The following SPHKAP variants were observed in gnomAD, a reference collection of about 807,000 sequenced individuals.
The protein encoded by SPHKAP is SPHK1 interactor, AKAP domain containing.
Under a neutral mutation model 137.5 loss-of-function variants are expected in SPHKAP, and 67 were observed. The ratio of observed to expected loss-of-function variants is 0.49; its 90% CI spans 0.40 to 0.60. SPHKAP has a LOEUF of 0.60. Among genes scored for constraint, SPHKAP ranks in the 20% least tolerant of loss-of-function variants. The probability of loss-of-function intolerance (pLI) is 0.00; values close to 1 mark genes in which losing one functional copy is unlikely to be tolerated. For synonymous variants in SPHKAP, 813 were observed against 785.3 expected (o/e 1.04, Z -0.59); for missense variants, 2,097 against 2,069.3 (o/e 1.01, Z -0.26).
intron 11 of SPHKAP, among the ~76,000 whole-genome samples, chr2:227,987,123 A>ATC (rs1267479630): frequency 4.6e-5 from 7 of 152,226 alleles, no homozygotes; most frequent in Admixed American, 3.3e-4. Flanking sequence ...GTTTATCAGA[A>ATC]TCACATCACT....
At chr2:228,042,476 C>G (rs1695889822) in intron 3 of SPHKAP, among the ~76,000 whole-genome samples, 1 of 152,092 alleles carries the variant, frequency 6.6e-6, no homozygotes, top group Admixed American at 6.6e-5. Context: ...CTAAAAGAAG[C>G]TATATCCATT....
intron 3 of SPHKAP, among the ~76,000 whole-genome samples, chr2:228,048,340 CG>C (rs113303776): frequency 7.8e-6 from 1 of 127,798 alleles, no homozygotes; most frequent in Non-Finnish European, 1.6e-5. Context: ...TTTGGTGAAA[CG>C]GGGGGGTGGA....
intron 3 of SPHKAP, among the ~76,000 whole-genome samples, chr2:228,042,781 C>T (rs192200823): frequency 6.6e-6 from 1 of 152,296 alleles, no homozygotes; most frequent in East Asian, 1.9e-4. Context: ...TGACCTAAGA[C>T]ATTAAATTGC....
At chr2:228,062,755 A>G (rs986649032) in intron 3 of SPHKAP, among the ~76,000 whole-genome samples, 1 of 152,230 alleles carries the variant, frequency 6.6e-6, no homozygotes, top group African/African-American at 2.4e-5. Flanking sequence ...AATATTAGAA[A>G]TAATCCATCA....
In SPHKAP at chr2:228,019,540, T is replaced by C; in HGVS notation, c.1314A>G (p.Thr438=). 1 of 1,614,190 alleles carries C rather than the reference T, an allele frequency of 6.2e-7. No individual in the cohort carries two copies. The change falls in exon 7 of 12, where the codon ACA becomes ACG. Residue 438 remains threonine, a synonymous_variant. Coordinates refer to ENST00000392056, the MANE Select transcript of SPHKAP (RefSeq NM_001142644.2). ...GCTCATTCCATGACCGAGAAACCAC[T>C]GTATCTTTTGTGGAATAGCAACTGG... ...LLPSCYSTKD[T]VVSRSWNELP...
At chr2:228,118,967 AACT>A (rs1347889425) in intron 2 of SPHKAP, among the ~76,000 whole-genome samples, 1 of 152,194 alleles carries the variant, frequency 6.6e-6, no homozygotes, top group African/African-American at 2.4e-5. Flanking sequence ...CAGATAATGA[AACT>A]ACTATGAAAA....
At chr2:228,128,785 A>G (rs1245511115) in intron 2 of SPHKAP, among the ~76,000 whole-genome samples, 1 of 152,230 alleles carries the variant, frequency 6.6e-6, no homozygotes, top group Non-Finnish European at 1.5e-5. Flanking sequence ...TCAAGTGACC[A>G]GATTCATTGT....
intron 5 of SPHKAP, among the ~76,000 whole-genome samples, chr2:228,024,082 ATTGT>A (rs1170604892): frequency 6.6e-6 from 1 of 152,202 alleles, no homozygotes. Context: ...TGTTGATGAC[ATTGT>A]TTAAGTCTCT....
chr2:227,993,600 G>A lies in SPHKAP; in HGVS notation c.4655C>T (p.Thr1552Ile). Reference sequence around the variant, plus strand: ...CAGATCCATAATGCCAAGACTGCTAGTGGCACTACTGTTGCCATTGCTGAC... The same window carrying A: ...CAGATCCATAATGCCAAGACTGCTAATGGCACTACTGTTGCCATTGCTGAC... ...RSMSNGNSSA[T>I]SSLGIMDLDI... The change falls in exon 9 of 12, where the codon ACT (threonine) becomes ATT (isoleucine). Residue 1552 changes from threonine (T) to isoleucine (I), a missense_variant. Coordinates refer to ENST00000392056, the MANE Select transcript of SPHKAP (RefSeq NM_001142644.2). The A allele has an allele frequency of 6.3e-7, 1 of 1,599,324 alleles. No individual in the cohort carries two copies. Among genetic ancestry groups the A allele is most frequent in the Non-Finnish European group, 8.5e-7 (1 of 1,172,720 alleles).
chr2:228,164,667 C>T (rs1386051244), intron 1 of SPHKAP, among the ~76,000 whole-genome samples: 2 of 152,156 alleles, frequency 1.3e-5, no homozygotes, highest in Non-Finnish European at 2.9e-5. Context: ...AAGGCTTAAC[C>T]TATTCTGGCC....
At chr2:228,009,883 C>T (rs1406934151) in intron 7 of SPHKAP, among the ~76,000 whole-genome samples, 1 of 152,184 alleles carries the variant, frequency 6.6e-6, no homozygotes, top group African/African-American at 2.4e-5. Flanking sequence ...TGGGACTAAA[C>T]ATCTTCCAGT....
chr2:228,090,679 C>T (rs1697697882), intron 3 of SPHKAP, among the ~76,000 whole-genome samples: 2 of 151,740 alleles, frequency 1.3e-5, no homozygotes, highest in East Asian at 3.9e-4. Flanking sequence ...TCATCAATGG[C>T]TTAGTGCCAA....
chr2:228,069,723 A>T (rs1322298649), intron 3 of SPHKAP, among the ~76,000 whole-genome samples: 2 of 152,218 alleles, frequency 1.3e-5, no homozygotes, highest in Non-Finnish European at 2.9e-5. Flanking sequence ...GATAACGGGT[A>T]CACAGAACCA....
chr2:228,126,075 TCAA>T (rs1488842852), intron 2 of SPHKAP, among the ~76,000 whole-genome samples: 2 of 151,954 alleles, frequency 1.3e-5, no homozygotes, highest in Admixed American at 1.3e-4. Flanking sequence ...GTGATATGCC[TCAA>T]CAACAACAAC....
intron 1 of SPHKAP, among the ~76,000 whole-genome samples, chr2:228,150,575 T>A (rs1699897143): frequency 6.6e-6 from 1 of 152,150 alleles, no homozygotes; most frequent in Non-Finnish European, 1.5e-5. Context: ...TTTAATAATG[T>A]TATATTATTG....
intron 3 of SPHKAP, among the ~76,000 whole-genome samples, chr2:228,040,235 G>A (rs1574788389): frequency 6.6e-6 from 1 of 152,162 alleles, no homozygotes; most frequent in East Asian, 1.9e-4. Context: ...GGCCATGTGG[G>A]ATATGACAGC....
chr2:228,092,309 A>C (rs1273110956), intron 3 of SPHKAP, among the ~76,000 whole-genome samples: 1 of 99,914 alleles, frequency 1.0e-5, no homozygotes, highest in Non-Finnish European at 2.1e-5. Flanking sequence ...ACACACGTGT[A>C]TGTGTGTGTA....
chr2:227,981,946 C>A (rs1188977648), intron 11 of SPHKAP, 86 bp from the exon 12 acceptor site: 2 of 1,470,596 alleles, frequency 1.4e-6, no homozygotes, highest in African/African-American at 2.9e-5. Flanking sequence ...AAGCCAATGG[C>A]TCTCCAGTCT....
intron 1 of SPHKAP, among the ~76,000 whole-genome samples, chr2:228,162,713 T>A (rs961011915): frequency 1.3e-5 from 2 of 152,104 alleles, no homozygotes; most frequent in African/African-American, 2.4e-5. Context: ...TTATTTATTT[T>A]TTTAGACGGA....
Sources: allele counts gnomAD v4.1 joint callset (sites outside exome capture counted in the v4.1 genomes callset), GRCh38; gene constraint gnomAD v4.1.1; transcripts MANE v1.5; gene names NCBI Gene and HGNC (gene_info 2026-07-23, HGNC 2026-07-21).